Variants in EEF2 observed in about 807,000 individuals in gnomAD.
EEF2 encodes elongation factor 2.
EEF2 carries 21 observed loss-of-function variants against 85.3 expected under a neutral mutation model. The ratio of observed to expected loss-of-function variants is 0.25; its 90% confidence interval spans 0.17 to 0.35. The LOEUF (loss-of-function observed/expected upper bound fraction) is 0.35, where lower values mean the gene tolerates loss of function less well. EEF2 is among the 10% of genes least tolerant of loss of function. The probability of loss-of-function intolerance (pLI) is 1.00; values close to 1 mark genes in which losing one functional copy is unlikely to be tolerated. For synonymous variants in EEF2, 723 were observed against 508.8 expected, an observed-to-expected ratio of 1.42 and a Z score of -5.67; for missense variants, 825 against 1,225.3, an observed-to-expected ratio of 0.67 and a Z score of 4.88.
Position 3,977,731 on chromosome 19 carries a change from T to C in EEF2, c.2067+88A>G. 1 of 1,491,060 alleles carries C rather than the reference T, an allele frequency of 6.7e-7. No homozygotes were observed. The highest frequency in any genetic ancestry group is 8.9e-7 in the Non-Finnish European group (1 of 1,122,736). The allele number at this position is 1,491,060 out of a possible 1,614,324, so 92.4% of individuals were successfully genotyped here. The stretch of plus-strand genomic sequence containing the variant: ...GGGGCCTTGCCCGCCTTGGCCCCAT[T>C]AGGGTCTCTGTCTCGGGAGGCAGGA... On this transcript the variant is annotated intron_variant, in intron 12 of 14. Transcript: ENST00000309311. The surrounding 1 kb of genome is among the most constrained non-coding windows in gnomAD (Gnocchi z 5.4).
Position 3,981,110 on chromosome 19 carries a change from G to T in EEF2, c.1012-131C>A, listed in dbSNP as rs368904250. 6 of 1,412,238 alleles carry T rather than the reference G, an allele frequency of 4.2e-6. 1 individual carries two copies. In the Admixed American group the frequency reaches 9.9e-5, roughly 23 times the overall value. The allele number at this position is 1,412,238 out of a possible 1,614,324, so 87.5% of individuals were successfully genotyped here. Reference sequence around the variant, plus strand: ...CGTTCTCCAAAGCACAGTCCCTTCTGGAAGGCGGCAAAGGCCATGCACACT... The same window carrying T: ...CGTTCTCCAAAGCACAGTCCCTTCTTGAAGGCGGCAAAGGCCATGCACACT... On this transcript the variant is annotated intron_variant, in intron 7 of 14. Coordinates refer to ENST00000309311, the MANE Select transcript of EEF2 (RefSeq NM_001961.4).
rs778505808 is a variant in EEF2, at chr19:3,979,968, G to A, written c.1445C>T (p.Thr482Met). 37 of 1,613,808 alleles carry A rather than the reference G, an allele frequency of 2.3e-5. No homozygotes were observed. Among genetic ancestry groups the A allele is most frequent in the Admixed American group, 1.7e-5 (1 of 60,012 alleles). Residue 482 changes from threonine (T) to methionine (M), a missense_variant, in exon 10 of 15, where the codon ACG becomes ATG. Transcript: ENST00000309311. ...LVGVDQFLVK[T>M]GTITTFEHAH... The stretch of plus-strand genomic sequence containing the variant: ...GTGCTCGAAGGTGGTGATGGTGCCC[G>A]TCTTCACCAGGAACTGGTCCACGCC...
chr19:3,979,092 A>C (rs2039712548), intron 11 of EEF2, among the ~76,000 whole-genome samples: 1 of 152,188 alleles, frequency 6.6e-6, no homozygotes, highest in Non-Finnish European at 1.5e-5. Context: ...AGATCACGCC[A>C]CTGCACTCCA....
intron 14 of EEF2, 37 bp from the exon 15 acceptor site, chr19:3,976,784 G>GA (rs763185008): frequency 6.7e-7 from 1 of 1,493,220 alleles, no homozygotes; most frequent in Non-Finnish European, 8.9e-7. Flanking sequence ...GGGCCATCGA[G>GA]AAGGTGGCAG....
rs547721234 is a variant in EEF2 at position 3,979,665 on chromosome 19, A to C, written c.1605+143T>G. On this transcript the variant is annotated intron_variant, in intron 10 of 14. Transcript: ENST00000309311. ...GGTGGCTGCCTGGGCAGGAGTCTCCATTTACAGCCACAGCCAAGAACCCCT... is the reference window on the plus strand; with the variant it reads ...GGTGGCTGCCTGGGCAGGAGTCTCCCTTTACAGCCACAGCCAAGAACCCCT... 2.6e-5 allele frequency: 35 copies of C among 1,334,164 alleles called. No individual in the cohort carries two copies. In the Admixed American group the frequency reaches 5.6e-4, roughly 21 times the overall value. 82.6% of individuals were successfully genotyped at this position (1,334,164 alleles called of 1,614,324 possible).
Position 3,983,300 on chromosome 19 carries a change from G to A in EEF2, c.219-9C>T, listed in dbSNP as rs1272172075. 1.2e-6 allele frequency: 2 copies of A among 1,611,820 alleles called. No homozygotes were observed. Among genetic ancestry groups the A allele is most frequent in the Non-Finnish European group, 1.7e-6 (2 of 1,178,688 alleles). On this transcript the variant is annotated splice_polypyrimidine_tract_variant and intron_variant, in intron 2 of 14. Coordinates refer to ENST00000309311, the MANE Select transcript of EEF2 (RefSeq NM_001961.4). ...AGAAGAGGGAGATGGCACTGATGGA[G>A]GGAGGGACTCGTCAGGGGGACAGGA...
At chr19:3,981,190 G>C in intron 7 of EEF2, 149 bp downstream of exon 7, 1 of 1,032,072 alleles carries the variant, frequency 9.7e-7, no homozygotes, top group South Asian at 1.5e-5. Flanking sequence ...GCTGGGATGT[G>C]TCTCCAGCAG....
chr19:3,983,738 T>C, intron 2 of EEF2: 2 of 305,794 alleles, frequency 6.5e-6, no homozygotes, highest in African/African-American at 2.2e-5. Context: ...TACTCTGCGC[T>C]CCCCCTACTC....
rs1599191037 is a variant in EEF2, at chr19:3,977,930, A to G, written c.1956T>C (p.Phe652=). 6.2e-7 allele frequency: 1 copy of G among 1,613,482 alleles called. No homozygotes were observed. Among genetic ancestry groups the G allele is most frequent in the Non-Finnish European group, 8.5e-7 (1 of 1,179,946 alleles). ...TGTTGGGGCCGGTGCCGTCGGGCCC[A>G]AAGCACCAGATCTTGCGGGCCTCAG... ...DVAEARKIWC[F]GPDGTGPNIL... The change falls in exon 12 of 15, where the codon TTT becomes TTC. Residue 652 remains phenylalanine, a synonymous_variant. Coordinates refer to ENST00000309311, the MANE Select transcript of EEF2 (RefSeq NM_001961.4). This position sits in a 1 kb window ranked among gnomAD's most constrained non-coding sequence, Gnocchi z 5.4.
rs188886201 is a variant in EEF2, at chr19:3,984,519, C to T, written c.4-169G>A. Among the ~76,000 whole-genome samples, 462 of 152,264 alleles carry T rather than the reference C, an allele frequency of 3.0e-3. 3 individuals carry two copies. The highest frequency in any genetic ancestry group is 0.011 in the African/African-American group (442 of 41,538). On this transcript the variant is annotated intron_variant, in intron 1 of 14. Coordinates refer to ENST00000309311, the MANE Select transcript of EEF2 (RefSeq NM_001961.4). Reference sequence around the variant, plus strand: ...GCCTAACACCCCTTAAGAGCCACCCCGCAATCTCCAAGGAACCACCGTTAA... The same window carrying T: ...GCCTAACACCCCTTAAGAGCCACCCTGCAATCTCCAAGGAACCACCGTTAA...
intron 2 of EEF2, 87 bp downstream of exon 2, chr19:3,984,049 G>C: frequency 1.4e-6 from 2 of 1,440,508 alleles, no homozygotes; most frequent in Non-Finnish European, 1.9e-6. Context: ...ACGTTGCCAA[G>C]TCTCTCCCCG....
At chr19:3,983,930 A>C (rs916874179) in intron 2 of EEF2, 4 of 602,154 alleles carry the variant, frequency 6.6e-6, no homozygotes, top group African/African-American at 3.7e-5. Flanking sequence ...CCCCCTCCTC[A>C]AGAAAACCTT....
rs372507236 is a variant in EEF2 at position 3,981,365 on chromosome 19, C to T, written c.985G>A (p.Asp329Asn). The stretch of plus-strand genomic sequence containing the variant: ...TTCAGCAGGGGTTTGCCTTCTTTGT[C>T]CTTGTCCTCGCTGTCCAGTTTGATG... ...LDIKLDSEDKDKEGKPLLKAV... is the reference protein window; with the variant it reads ...LDIKLDSEDKNKEGKPLLKAV... Residue 329 changes from aspartate (D) to asparagine (N), a missense_variant, in exon 7 of 15, where the codon GAC (aspartate) becomes AAC (asparagine). Asp to Asn is a conservative substitution (Grantham distance 23, BLOSUM62 1). Transcript: ENST00000309311. 4.9e-5 allele frequency: 79 copies of T among 1,614,134 alleles called. No individual in the cohort carries two copies. Among genetic ancestry groups the T allele is most frequent in the Non-Finnish European group, 4.9e-5 (58 of 1,180,054 alleles).
rs1205318850 is a variant in EEF2 at position 3,976,751 on chromosome 19, C to T, written c.2384-4G>A. 3 of 1,556,650 alleles carry T rather than the reference C, an allele frequency of 1.9e-6. No homozygotes were observed. The highest frequency in any genetic ancestry group is 2.4e-5 in the South Asian group (2 of 84,234). ...GACCTCAGGTCAGCGGTGAAGCCTG[C>T]AGAGGGAAGCGAGAGGCTCACTGGG... On this transcript the variant is annotated splice_polypyrimidine_tract_variant and splice_region_variant and intron_variant, in intron 14 of 14. Transcript: ENST00000309311.
intron 6 of EEF2, among the ~76,000 whole-genome samples, 181 bp from the exon 7 acceptor site, chr19:3,981,633 C>T (rs2039748574): frequency 1.3e-5 from 2 of 152,320 alleles, no homozygotes; most frequent in East Asian, 1.9e-4. Flanking sequence ...GAGGAAACCT[C>T]GTGGTGGAGC....
chr19:3,982,150 G>C (rs1316629135), intron 5 of EEF2, 96 bp downstream of exon 5: 11 of 1,597,088 alleles, frequency 6.9e-6, no homozygotes, highest in Admixed American at 1.7e-5. Context: ...AGACCTGGTG[G>C]GCTTGAGCCA....
chr19:3,980,095 C>T (rs753211139), intron 9 of EEF2, 29 bp from the exon 10 acceptor site: 47 of 1,602,296 alleles, frequency 2.9e-5, no homozygotes, highest in South Asian at 1.2e-4. Context: ...GGCAGCAGGC[C>T]GCAGGGATGG....
Position 3,977,112 on chromosome 19 carries a change from T to C in EEF2, c.2383+103A>G. Reference sequence around the variant, plus strand: ...ACCACCTGCTCCATCCATCACCTGCTCCCATCAGGACGCCTCCTTTAACAC... The same window carrying C: ...ACCACCTGCTCCATCCATCACCTGCCCCCATCAGGACGCCTCCTTTAACAC... On this transcript the variant is annotated intron_variant, in intron 14 of 14. Coordinates refer to ENST00000309311, the MANE Select transcript of EEF2 (RefSeq NM_001961.4). The surrounding 1 kb of genome is among the most constrained non-coding windows in gnomAD (Gnocchi z 5.4). The C allele has an allele frequency of 6.7e-7, 1 of 1,494,642 alleles. No homozygotes were observed. Among genetic ancestry groups the C allele is most frequent in the South Asian group, 1.3e-5 (1 of 78,912 alleles). 92.6% of individuals were successfully genotyped at this position (1,494,642 alleles called of 1,614,324 possible).
chr19:3,981,335 G>C lies in EEF2; in HGVS notation c.1011+4C>G. Reference sequence around the variant, plus strand: ...CCACCCCGAGGGCTGGGCCCAGGCCGCACCTTCAGCAGGGGTTTGCCTTCT... The same window carrying C: ...CCACCCCGAGGGCTGGGCCCAGGCCCCACCTTCAGCAGGGGTTTGCCTTCT... On this transcript the variant is annotated splice_donor_region_variant and intron_variant, in intron 7 of 14. Transcript: ENST00000309311. The C allele has an allele frequency of 2.5e-6, 4 of 1,613,382 alleles. No individual in the cohort carries two copies. Among genetic ancestry groups the C allele is most frequent in the Non-Finnish European group, 3.4e-6 (4 of 1,179,304 alleles).
Sources: allele counts gnomAD v4.1 joint callset (sites outside exome capture counted in the v4.1 genomes callset), GRCh38; gene constraint gnomAD v4.1.1; non-coding constraint Gnocchi (gnomAD v3.1); transcripts MANE v1.5; gene names NCBI Gene and HGNC (gene_info 2026-07-23, HGNC 2026-07-21).